The following C8orf34 variants were observed in gnomAD, a reference collection of about 807,000 sequenced individuals.
C8orf34 encodes the protein chromosome 8 open reading frame 34.
Under a neutral mutation model 68.3 loss-of-function variants are expected in C8orf34, and 65 were observed. The ratio of observed to expected loss-of-function variants is 0.95; its 90% CI spans 0.78 to 1.17. The LOEUF is 1.17. Ranked by LOEUF, C8orf34 falls within the 50% of genes most tolerant of loss-of-function variation. The probability of loss-of-function intolerance (pLI) is 0.00; values close to 1 mark genes in which losing one functional copy is unlikely to be tolerated. For synonymous variants in C8orf34, 244 were observed against 241.2 expected (o/e 1.01, Z -0.11); for missense variants, 664 against 655.4 (o/e 1.01, Z -0.14).
At chr8:68,592,495 G>A (rs1817420671) in intron 7 of C8orf34, among the ~76,000 whole-genome samples, 1 of 151,274 alleles carries the variant, frequency 6.6e-6, no homozygotes, top group South Asian at 2.1e-4. Context: ...TATCTTATAA[G>A]CTTTCTGAAT....
intron 3 of C8orf34, among the ~76,000 whole-genome samples, chr8:68,463,690 C>A (rs1319427022): frequency 6.6e-6 from 1 of 152,110 alleles, no homozygotes; most frequent in Non-Finnish European, 1.5e-5. Context: ...AAGACAAAAA[C>A]CACATGATTA....
At chr8:68,432,910 C>G (rs1586130297) in intron 1 of C8orf34, among the ~76,000 whole-genome samples, 1 of 151,468 alleles carries the variant, frequency 6.6e-6, no homozygotes, top group Admixed American at 6.6e-5. Context: ...TACTGCCATT[C>G]AAAAAAAATA....
At position 68,347,582 on chromosome 8, in the gene C8orf34, T is replaced by G. The variant is rs180907940; in HGVS notation, c.327+16243T>G. Among the ~76,000 whole-genome samples the G allele has an allele frequency of 3.4e-3, 518 of 152,194 alleles. 2 individuals carry two copies. The highest frequency in any genetic ancestry group is 5.1e-3 in the Non-Finnish European group (346 of 67,964). ...TTGAACTAATTTACACTCCCAACAG[T>G]GTATAAGTGTTCCCTTTTCTCCACA... On this transcript the variant is annotated intron_variant, in intron 1 of 13. Coordinates refer to ENST00000518698, the MANE Select transcript of C8orf34 (RefSeq NM_052958.4).
intron 1 of C8orf34, among the ~76,000 whole-genome samples, chr8:68,422,120 T>G (rs1415779257): frequency 1.3e-5 from 2 of 152,204 alleles, no homozygotes; most frequent in African/African-American, 4.8e-5. Context: ...ATTCTGCTGC[T>G]GGCCCCTCCC....
chr8:68,745,666 AT>A (rs1255601105), intron 10 of C8orf34, among the ~76,000 whole-genome samples: 1 of 152,174 alleles, frequency 6.6e-6, no homozygotes, highest in Non-Finnish European at 1.5e-5. Flanking sequence ...AAAGGGATCA[AT>A]TCAACAAGAA....
chr8:68,713,214 A>G (rs1293368968), intron 9 of C8orf34, among the ~76,000 whole-genome samples: 1 of 152,150 alleles, frequency 6.6e-6, no homozygotes, highest in Non-Finnish European at 1.5e-5. Flanking sequence ...GCCTATATCA[A>G]GAAGTCTGAA....
At chr8:68,692,354 A>G (rs751209724) in intron 8 of C8orf34, among the ~76,000 whole-genome samples, 51 of 152,100 alleles carry the variant, frequency 3.4e-4, no homozygotes, top group Non-Finnish European at 6.5e-4. Context: ...TTCTTCAATA[A>G]TAAGTTTTTT....
chr8:68,353,075 A>C (rs1350669653), intron 1 of C8orf34, among the ~76,000 whole-genome samples: 2 of 152,118 alleles, frequency 1.3e-5, no homozygotes, highest in African/African-American at 4.8e-5. Flanking sequence ...AAAGTACAGA[A>C]GTTTAAAATA....
intron 1 of C8orf34, among the ~76,000 whole-genome samples, chr8:68,406,673 T>G (rs1053112577): frequency 1.3e-5 from 2 of 151,926 alleles, no homozygotes; most frequent in Non-Finnish European, 2.9e-5. Flanking sequence ...TTTTTATATT[T>G]TTAGTAGAGA....
chr8:68,414,141 G>A (rs1809563717), intron 1 of C8orf34, among the ~76,000 whole-genome samples: 1 of 152,086 alleles, frequency 6.6e-6, no homozygotes, highest in Admixed American at 6.6e-5. Context: ...ATGCTATCTT[G>A]ATCACCCTAT....
intron 13 of C8orf34, 123 bp from the exon 14 acceptor site, chr8:68,818,116 A>G: frequency 2.3e-6 from 2 of 878,400 alleles, no homozygotes; most frequent in Non-Finnish European, 1.8e-6. Flanking sequence ...TCTAATGTCA[A>G]TATCCTTTCA....
intron 7 of C8orf34, among the ~76,000 whole-genome samples, chr8:68,633,179 C>A (rs1818741009): frequency 1.3e-5 from 2 of 152,110 alleles, no homozygotes; most frequent in African/African-American, 2.4e-5. Flanking sequence ...CTAGTTACTG[C>A]AGCTGCTTGA....
chr8:68,598,411 A>G (rs549813881), intron 7 of C8orf34, among the ~76,000 whole-genome samples: 7 of 152,190 alleles, frequency 4.6e-5, no homozygotes, highest in South Asian at 2.1e-4. Flanking sequence ...CCCAAGGTTT[A>G]TATGTTATGC....
At chr8:68,333,271 G>C (rs1426592593) in intron 1 of C8orf34, among the ~76,000 whole-genome samples, 1 of 152,082 alleles carries the variant, frequency 6.6e-6, no homozygotes, top group South Asian at 2.1e-4. Flanking sequence ...TGATAGCAAC[G>C]TGTCTCATAA....
At chr8:68,629,878 G>A (rs1363491111) in intron 7 of C8orf34, among the ~76,000 whole-genome samples, 3 of 151,984 alleles carry the variant, frequency 2.0e-5, no homozygotes, top group South Asian at 2.1e-4. Flanking sequence ...TGTGTACAAA[G>A]TGAAGTAATG....
intron 7 of C8orf34, among the ~76,000 whole-genome samples, chr8:68,609,453 AAG>A (rs1817947723): frequency 1.3e-5 from 2 of 152,164 alleles, no homozygotes; most frequent in Admixed American, 6.5e-5. Context: ...AACTTCATGA[AAG>A]AGAATTCACA....
At chr8:68,557,599 A>G (rs1041241775) in intron 7 of C8orf34, among the ~76,000 whole-genome samples, 4 of 152,096 alleles carry the variant, frequency 2.6e-5, no homozygotes, top group African/African-American at 4.8e-5. Context: ...CATGTAAGCT[A>G]TCAGAATGTG....
At chr8:68,696,742 G>A (rs984963495) in intron 8 of C8orf34, among the ~76,000 whole-genome samples, 1 of 152,016 alleles carries the variant, frequency 6.6e-6, no homozygotes, top group Non-Finnish European at 1.5e-5. Context: ...TTCTCAAAAT[G>A]TTCTTAGCTG....
At chr8:68,456,702 T>C (rs970492268) in intron 3 of C8orf34, among the ~76,000 whole-genome samples, 3 of 151,968 alleles carry the variant, frequency 2.0e-5, no homozygotes, top group African/African-American at 7.3e-5. Context: ...ATAAGATAAG[T>C]AGGTTTTGAT....
Sources: allele counts gnomAD v4.1 joint callset (sites outside exome capture counted in the v4.1 genomes callset), GRCh38; gene constraint gnomAD v4.1.1; transcripts MANE v1.5; gene names NCBI Gene and HGNC (gene_info 2026-07-23, HGNC 2026-07-21).